The following PRMT3 variants were observed in gnomAD, a reference collection of about 807,000 sequenced individuals.
The protein encoded by PRMT3 is protein arginine methyltransferase 3.
In PRMT3, 62 loss-of-function variants were observed where a neutral mutation model predicts 71.9. The observed-to-expected ratio is 0.86, with a 90% CI of 0.70 to 1.07. The LOEUF (loss-of-function observed/expected upper bound fraction) is 1.07. Ranked by LOEUF, PRMT3 falls within the 50% of genes least tolerant of loss-of-function variation. The pLI is 0.00. For missense variants in PRMT3, 663 were observed against 643.0 expected (o/e 1.03, Z -0.34); for synonymous variants, 213 against 220.4 (o/e 0.97, Z 0.30).
intron 3 of PRMT3, among the ~76,000 whole-genome samples, 171 bp downstream of exon 3, chr11:20,389,997 A>C (rs1462801972): frequency 6.6e-6 from 1 of 152,268 alleles, no homozygotes; most frequent in Non-Finnish European, 1.5e-5. Flanking sequence ...ACTAAAATAC[A>C]AAAGTTATCT....
intron 9 of PRMT3, among the ~76,000 whole-genome samples, chr11:20,426,432 A>G (rs1158471687): frequency 6.6e-6 from 1 of 152,130 alleles, no homozygotes; most frequent in African/African-American, 2.4e-5. Context: ...TTTAAACCAT[A>G]CTTTTATATG....
chr11:20,424,662 A>C (rs1200421066), intron 9 of PRMT3, among the ~76,000 whole-genome samples: 3 of 152,236 alleles, frequency 2.0e-5, no homozygotes, highest in Non-Finnish European at 4.4e-5. Flanking sequence ...ATAAAAGAAA[A>C]AAATGATAAG....
At chr11:20,429,482 G>A (rs1434049110) in intron 10 of PRMT3, among the ~76,000 whole-genome samples, 1 of 152,182 alleles carries the variant, frequency 6.6e-6, no homozygotes, top group Non-Finnish European at 1.5e-5. Flanking sequence ...TCACTTCAGA[G>A]CGTTGGTCAG....
intron 13 of PRMT3, among the ~76,000 whole-genome samples, chr11:20,476,422 AAT>A: frequency 1.3e-5 from 2 of 151,242 alleles, no homozygotes; most frequent in Non-Finnish European, 1.5e-5. Context: ...TGAACATTTT[AAT>A]ATGAATGATG....
intron 9 of PRMT3, among the ~76,000 whole-genome samples, chr11:20,420,528 A>G (rs1849402595): frequency 6.6e-6 from 1 of 152,142 alleles, no homozygotes; most frequent in South Asian, 2.1e-4. Flanking sequence ...AGTGGGGGCA[A>G]TACATTTTCA....
At chr11:20,470,498 T>C (rs959897765) in intron 13 of PRMT3, among the ~76,000 whole-genome samples, 1 of 152,212 alleles carries the variant, frequency 6.6e-6, no homozygotes, top group African/African-American at 2.4e-5. Context: ...TGATTTTCTG[T>C]TCCTGCATTC....
intron 15 of PRMT3, among the ~76,000 whole-genome samples, chr11:20,505,988 TGAG>T (rs567216492): frequency 5.6e-4 from 86 of 152,276 alleles, no homozygotes; most frequent in African/African-American, 2.0e-3. Flanking sequence ...AGAGTATAGT[TGAG>T]GAACTTGGGT....
intron 15 of PRMT3, among the ~76,000 whole-genome samples, chr11:20,503,943 G>C (rs1180280220): frequency 6.6e-6 from 1 of 152,066 alleles, no homozygotes; most frequent in African/African-American, 2.4e-5. Flanking sequence ...CATCCCTAGG[G>C]CTAACACCAT....
chr11:20,404,229 T>A (rs796973251), intron 8 of PRMT3, among the ~76,000 whole-genome samples: 4 of 104,544 alleles, frequency 3.8e-5, no homozygotes, highest in Non-Finnish European at 7.7e-5. Context: ...TTTTTTTTTT[T>A]TTTTTTTTTT....
At chr11:20,466,982 T>G (rs956135337) in intron 13 of PRMT3, among the ~76,000 whole-genome samples, 8 of 152,208 alleles carry the variant, frequency 5.3e-5, no homozygotes, top group African/African-American at 1.7e-4. Flanking sequence ...CTTGCCTGAA[T>G]GGTGTTTATG....
At chr11:20,388,715 C>T (rs1367051810) in intron 2 of PRMT3, among the ~76,000 whole-genome samples, 1 of 152,202 alleles carries the variant, frequency 6.6e-6, no homozygotes, top group Admixed American at 6.5e-5. Flanking sequence ...TTAAGTAGGA[C>T]TTTTCACTTA....
At chr11:20,411,249 C>T (rs1488551060) in intron 9 of PRMT3, among the ~76,000 whole-genome samples, 1 of 152,036 alleles carries the variant, frequency 6.6e-6, no homozygotes, top group African/African-American at 2.4e-5. Context: ...GATCCTCTGT[C>T]TGTAATCATT....
intron 11 of PRMT3, among the ~76,000 whole-genome samples, chr11:20,455,161 A>C (rs1290713943): frequency 6.6e-6 from 1 of 152,148 alleles, no homozygotes; most frequent in Admixed American, 6.5e-5. Flanking sequence ...TGTTTTTACA[A>C]CTACGATTAA....
intron 11 of PRMT3, among the ~76,000 whole-genome samples, chr11:20,457,852 TAGTTTG>T (rs1486474030): frequency 6.6e-6 from 1 of 152,202 alleles, no homozygotes; most frequent in Non-Finnish European, 1.5e-5. Context: ...TCACATTTAT[TAGTTTG>T]AGTTTGTTCA....
At chr11:20,412,618 A>G (rs926272232) in intron 9 of PRMT3, among the ~76,000 whole-genome samples, 1 of 152,122 alleles carries the variant, frequency 6.6e-6, no homozygotes, top group Non-Finnish European at 1.5e-5. Flanking sequence ...AAACTTATAC[A>G]TTATATCAGT....
rs1849864794 is a variant in PRMT3 at position 20,440,483 on chromosome 11, A to C, written c.994-11647A>C. Among the ~76,000 whole-genome samples, 8 of 98,892 alleles carry C rather than the reference A, an allele frequency of 8.1e-5. No homozygotes were observed. In the South Asian group the frequency reaches 3.5e-3, roughly 43 times the overall value. The allele number at this position is 98,892 out of a possible 152,430, so 64.9% of individuals were successfully genotyped here. A position where few individuals can be genotyped will look rare whatever the true frequency, so the allele number is the denominator to read the frequency against. ...ACACGGTGAAACCCCATCTCTACTA[A>C]AAATACAAAAAAAAAAAAAAAAAAA... On this transcript the variant is annotated intron_variant, in intron 10 of 15. Transcript: ENST00000331079.
intron 10 of PRMT3, among the ~76,000 whole-genome samples, chr11:20,428,990 C>G (rs1849602311): frequency 6.6e-6 from 1 of 152,200 alleles, no homozygotes. Flanking sequence ...ATTGTCAAGT[C>G]TGGTTGTCTC....
At position 20,462,147 on chromosome 11, in the gene PRMT3, T is replaced by G. The variant is rs560709517; in HGVS notation, c.1240T>G (p.Ser414Ala). Reference protein sequence around the residue: ...VEVLDPKTLISEPCGIKHIDC... With the variant: ...VEVLDPKTLIAEPCGIKHIDC... Reference sequence around the variant, plus strand: ...AGTTTTAGATCCGAAGACTCTTATTTCAGAACCTTGTGGTATTAAGGTAGG... The same window carrying G: ...AGTTTTAGATCCGAAGACTCTTATTGCAGAACCTTGTGGTATTAAGGTAGG... The change falls in exon 12 of 16, where the codon TCA becomes GCA. Residue 414 changes from serine (S) to alanine (A), a missense_variant. Physicochemically the swap from Ser to Ala is moderately conservative, Grantham distance 99 (BLOSUM62 1). Transcript: ENST00000331079. The G allele has an allele frequency of 2.5e-6, 4 of 1,609,316 alleles. No homozygotes were observed. In the African/African-American group the frequency reaches 5.3e-5, roughly 21 times the overall value.
intron 13 of PRMT3, among the ~76,000 whole-genome samples, chr11:20,493,523 A>G (rs1367490644): frequency 6.6e-6 from 1 of 152,200 alleles, no homozygotes; most frequent in Non-Finnish European, 1.5e-5. Flanking sequence ...ATGCCGCTGC[A>G]GTTGTCTGAA....
Sources: allele counts gnomAD v4.1 joint callset (sites outside exome capture counted in the v4.1 genomes callset), GRCh38; gene constraint gnomAD v4.1.1; transcripts MANE v1.5; gene names NCBI Gene and HGNC (gene_info 2026-07-23, HGNC 2026-07-21).